The following INO80 variants were observed in gnomAD, a reference collection of about 807,000 sequenced individuals.
INO80 encodes INO80 complex ATPase subunit, also known as chromatin-remodeling ATPase INO80.
In INO80, 20 loss-of-function variants were observed where a neutral mutation model predicts 203.4. The ratio of observed to expected loss-of-function variants is 0.10; its 90% CI spans 0.07 to 0.14. INO80 has a LOEUF of 0.14. INO80 is among the 10% of genes least tolerant of loss of function. The probability of loss-of-function intolerance (pLI) is 1.00; values close to 1 mark genes in which losing one functional copy is unlikely to be tolerated. For synonymous variants in INO80, 726 were observed against 685.2 expected (o/e 1.06, Z -0.93); for missense variants, 1,419 against 1,914.4 (o/e 0.74, Z 4.83).
chr15:41,097,676 G>A (rs1484373671), intron 1 of INO80, among the ~76,000 whole-genome samples: 1 of 151,908 alleles, frequency 6.6e-6, no homozygotes, highest in Non-Finnish European at 1.5e-5. Flanking sequence ...GTTTCACCAT[G>A]TTGGTCAGGC....
chr15:41,040,021 T>C (rs2044643662), intron 24 of INO80, among the ~76,000 whole-genome samples: 1 of 152,166 alleles, frequency 6.6e-6, no homozygotes, highest in Non-Finnish European at 1.5e-5. Flanking sequence ...TGACCTATAC[T>C]ACCTAGACTG....
At chr15:41,068,192 C>G (rs2045253614) in intron 14 of INO80, among the ~76,000 whole-genome samples, 1 of 152,052 alleles carries the variant, frequency 6.6e-6, no homozygotes. Flanking sequence ...GAGGCTGACG[C>G]AGAAGGATGA....
At chr15:40,981,538 G>C (rs1290069307) in intron 35 of INO80, among the ~76,000 whole-genome samples, 1 of 152,214 alleles carries the variant, frequency 6.6e-6, no homozygotes, top group East Asian at 1.9e-4. Context: ...TCTGCAGTAA[G>C]AGAAAAGGCA....
rs185954820 is a variant in INO80, at chr15:41,085,963, G to A, written c.659-380C>T. Among the ~76,000 whole-genome samples, 70 of 152,176 alleles carry A rather than the reference G, an allele frequency of 4.6e-4. No individual in the cohort carries two copies. The East Asian group carries it at 0.012, about 26-fold the overall frequency. ...CAACCTCCACCTCCCAGGTTCAAGC[G>A]ATTCTCCCGCTTCAGCCTCCCGAGT... On this transcript the variant is annotated intron_variant, in intron 6 of 35. Transcript: ENST00000648947.
intron 8 of INO80, 141 bp downstream of exon 8, chr15:41,080,879 A>G: frequency 1.5e-6 from 1 of 660,782 alleles, no homozygotes; most frequent in East Asian, 2.6e-5. Context: ...AAACAGCTTG[A>G]GAACATTCAG....
intron 5 of INO80, 27 bp downstream of exon 5, chr15:41,092,000 T>A (rs759859827): frequency 2.1e-5 from 33 of 1,572,180 alleles, no homozygotes; most frequent in Non-Finnish European, 2.8e-5. Flanking sequence ...AATATTCAGT[T>A]TGAAGTGTTT....
intron 5 of INO80, among the ~76,000 whole-genome samples, chr15:41,090,005 T>C (rs1021758908): frequency 6.6e-6 from 1 of 152,080 alleles, no homozygotes; most frequent in African/African-American, 2.4e-5. Context: ...CGAAAACACA[T>C]CAACACAAAA....
intron 25 of INO80, among the ~76,000 whole-genome samples, chr15:41,022,192 C>G (rs1450682600): frequency 1.6e-4 from 25 of 152,148 alleles, no homozygotes; most frequent in Non-Finnish European, 5.9e-5. Context: ...CTCAGAAGAA[C>G]CCTAAAGCTA....
chr15:40,984,632 GAAAA>G (rs5812178), intron 32 of INO80, among the ~76,000 whole-genome samples: 1 of 132,918 alleles, frequency 7.5e-6, no homozygotes, highest in African/African-American at 3.0e-5. Context: ...CAGCTCAAAA[GAAAA>G]AAAAAAAAAA....
intron 1 of INO80, among the ~76,000 whole-genome samples, chr15:41,108,039 G>T (rs1233322056): frequency 6.6e-6 from 1 of 151,978 alleles, no homozygotes; most frequent in Admixed American, 6.6e-5. Flanking sequence ...GGCAGAGGTT[G>T]TGGTGGGCCG....
intron 14 of INO80, among the ~76,000 whole-genome samples, chr15:41,064,203 A>G (rs1488587815): frequency 6.6e-6 from 1 of 152,224 alleles, no homozygotes; most frequent in Admixed American, 6.5e-5. Flanking sequence ...ATAATTTTCC[A>G]ATACACAAAG....
In INO80 at chr15:41,071,362, A is replaced by C. The variant is rs1015488532; in HGVS notation, c.1605+487T>G. ...CTGCACCCATTAACTCGTCATTTAC[A>C]TTAGGTATTTCTCCTACTGCTATCC... On this transcript the variant is annotated intron_variant, in intron 12 of 35. Transcript: ENST00000648947. Among the ~76,000 whole-genome samples the C allele has an allele frequency of 1.5e-3, 221 of 151,634 alleles. 1 individual carries two copies. The highest frequency in any genetic ancestry group is 2.0e-3 in the Non-Finnish European group (137 of 67,974).
In INO80 at chr15:41,096,283, C is replaced by G. The variant is rs1364141905; in HGVS notation, c.28G>C (p.Asp10His). 1.5e-5 allele frequency: 24 copies of G among 1,604,470 alleles called. No homozygotes were observed. The highest frequency in any genetic ancestry group is 1.4e-5 in the Non-Finnish European group (17 of 1,177,542). The change falls in exon 2 of 36, where the codon GAT (aspartate) becomes CAT (histidine). Residue 10 changes from aspartate (D) to histidine (H), a missense_variant. Asp to His is a moderately conservative substitution (Grantham distance 81). This residue lies in a region of INO80 where 323 missense variants were observed against 325.4 expected (regional missense o/e 0.99). Transcript: ENST00000648947. MASELGARD[D>H]GGCTELAKPL... ...TTTGCCAGCTCAGTGCAGCCTCCAT[C>G]ATCCCTGGCACCCAACTCCGAGGCC...
chr15:41,107,238 AG>A (rs1248862562), intron 1 of INO80, among the ~76,000 whole-genome samples: 1 of 152,246 alleles, frequency 6.6e-6, no homozygotes, highest in East Asian at 1.9e-4. Flanking sequence ...GATCACACCC[AG>A]AACTTCAGGA....
At chr15:41,037,104 AAAAAC>A (rs1016361747) in intron 24 of INO80, among the ~76,000 whole-genome samples, 36 of 152,240 alleles carry the variant, frequency 2.4e-4, no homozygotes, top group African/African-American at 7.9e-4. Flanking sequence ...CTCTATCTCA[AAAAAC>A]AAAACAAAAC....
intron 24 of INO80, among the ~76,000 whole-genome samples, chr15:41,036,858 A>G (rs2925348): frequency 0.89 from 134,765 of 152,202 alleles, 61,752 homozygotes; most frequent in East Asian, 1. Flanking sequence ...GAGGCAGGCC[A>G]GTTACTTGAG....
intron 29 of INO80, among the ~76,000 whole-genome samples, chr15:40,995,031 T>C (rs1390882133): frequency 6.6e-6 from 1 of 152,158 alleles, no homozygotes; most frequent in Non-Finnish European, 1.5e-5. Context: ...AATTTTTGTA[T>C]ATTTAGCAGA....
At chr15:41,100,671 T>G (rs1269132742) in intron 1 of INO80, among the ~76,000 whole-genome samples, 1 of 152,168 alleles carries the variant, frequency 6.6e-6, no homozygotes, top group Non-Finnish European at 1.5e-5. Context: ...TATGATGACA[T>G]CTGGAGAACC....
chr15:40,987,942 AGT>A lies in INO80; in HGVS notation c.3601_3602del (p.Thr1201CysfsTer26). ...VIFYDSDWNP[T>X]VDQQAMDRAH... Reference sequence around the variant, plus strand: ...CCCTGTCCATGGCCTGCTGGTCCACAGTGGGGTTCCAGTCGCTATCATAGAAA... The same window carrying A: ...CCCTGTCCATGGCCTGCTGGTCCACAGGGGTTCCAGTCGCTATCATAGAAA... On this transcript the variant is annotated frameshift_variant, in exon 30 of 36. Transcript: ENST00000648947. LOFTEE classifies it high-confidence loss of function. 1 of 1,613,964 alleles carries A rather than the reference AGT, an allele frequency of 6.2e-7. No homozygotes were observed. The highest frequency in any genetic ancestry group is 8.5e-7 in the Non-Finnish European group (1 of 1,179,918).
Sources: gnomAD v4.1 joint callset for allele counts (sites outside exome capture counted in the v4.1 genomes callset) on GRCh38, gnomAD v4.1.1 for gene constraint, gnomAD v4.1.1 regional missense constraint, MANE v1.5 for transcripts, NCBI Gene and HGNC (gene_info 2026-07-23, HGNC 2026-07-21) for gene names.